USP36: variants seen among roughly 807,000 people sequenced by gnomAD.
USP36 encodes the protein ubiquitin specific peptidase 36.
A neutral mutation model predicts 111.5 loss-of-function variants in USP36; 59 were observed. The observed-to-expected ratio is 0.53, with a 90% CI of 0.43 to 0.66. The LOEUF is 0.66. USP36 is among the 30% of genes least tolerant of loss of function. The pLI is 0.00. For missense variants in USP36, 1,488 were observed against 1,468.0 expected (o/e 1.01, Z -0.22); for synonymous variants, 628 against 581.0 (o/e 1.08, Z -1.16).
chr17:78,791,862 A>C (rs902483293), downstream of USP36: 2 of 152,322 alleles, frequency 1.3e-5, no homozygotes, highest in Non-Finnish European at 2.9e-5. Context: ...TGGGAGGCCA[A>C]GGCGAGAAGA....
At chr17:78,788,713 A>C (rs892415207) in intron 3 of USP36, among the ~76,000 whole-genome samples, 2 of 152,130 alleles carry the variant, frequency 1.3e-5, no homozygotes, top group African/African-American at 4.8e-5. Flanking sequence ...TCCATGGGGT[A>C]GGTATTGCTG....
intron 12 of USP36, among the ~76,000 whole-genome samples, chr17:78,813,445 G>T (rs575000692): frequency 6.6e-6 from 1 of 152,268 alleles, no homozygotes; most frequent in Admixed American, 6.5e-5. Context: ...TCCCTACAGG[G>T]GCAGCTTCCC....
At position 78,807,631 on chromosome 17, in the gene USP36, T is replaced by C. The variant is rs555081017; in HGVS notation, c.1413A>G (p.Gln471=). 11 of 1,525,710 alleles carry C rather than the reference T, an allele frequency of 7.2e-6. No homozygotes were observed. The highest frequency in any genetic ancestry group is 2.3e-5 in the East Asian group (1 of 44,078). The allele number at this position is 1,525,710 out of a possible 1,614,324, so 94.5% of individuals were successfully genotyped here. The change falls in exon 14 of 21, where the codon CAA becomes CAG. Residue 471 remains glutamine, a synonymous_variant. Transcript: ENST00000449938. ...IISSPLTGKR[Q]DSGTMKKPHT... ...GCGGCTTCTTCATCGTCCCAGAGTC[T>C]TGTCGCTAAGGAGACCAAAGCAGAA...
chr17:78,804,177 G>A (rs543955632), intron 15 of USP36, among the ~76,000 whole-genome samples, 199 bp from the exon 16 acceptor site: 1 of 152,066 alleles, frequency 6.6e-6, no homozygotes. Flanking sequence ...TAAATGCAAA[G>A]TTGGCCAGGT....
intron 6 of USP36, among the ~76,000 whole-genome samples, chr17:78,824,608 A>G (rs2067368989): frequency 6.6e-6 from 1 of 152,248 alleles, no homozygotes; most frequent in East Asian, 1.9e-4. Flanking sequence ...CTAATATCCA[A>G]AGAAATTTGA....
chr17:78,823,029 A>G (rs941163043), intron 6 of USP36: 3 of 398,242 alleles, frequency 7.5e-6, no homozygotes, highest in Non-Finnish European at 1.3e-5. Context: ...GGCCACCCAG[A>G]CCATTCCACA....
At chr17:78,835,098 G>A (rs1026057486) in intron 4 of USP36, among the ~76,000 whole-genome samples, 182 bp downstream of exon 4, 8 of 151,784 alleles carry the variant, frequency 5.3e-5, no homozygotes, top group East Asian at 1.9e-4. Flanking sequence ...CCACCTGACC[G>A]ATTCACCTTC....
chr17:78,826,008 T>C lies in USP36; in HGVS notation c.689+1237A>G, dbSNP rs2067505564. 2.6e-5 allele frequency among the ~76,000 whole-genome samples: 4 copies of C among 152,158 alleles called. No homozygotes were observed. In the South Asian group the frequency reaches 8.3e-4, roughly 32 times the overall value. ...ATGAGCTCCACAGACTCCAGGACCATGGCTTCTACCTCTCAGTTCCCAGTG... is the reference window on the plus strand; with the variant it reads ...ATGAGCTCCACAGACTCCAGGACCACGGCTTCTACCTCTCAGTTCCCAGTG... On this transcript the variant is annotated intron_variant, in intron 6 of 20. Coordinates refer to ENST00000449938, the MANE Select transcript of USP36 (RefSeq NM_001385174.1).
At position 78,822,012 on chromosome 17, in the gene USP36, G is replaced by T. The variant is rs1172564686; in HGVS notation, c.690-8C>A. 1 of 1,613,968 alleles carries T rather than the reference G, an allele frequency of 6.2e-7. No individual in the cohort carries two copies. Among genetic ancestry groups the T allele is most frequent in the East Asian group, 2.2e-5 (1 of 44,886 alleles). On this transcript the variant is annotated splice_polypyrimidine_tract_variant and splice_region_variant and intron_variant, in intron 6 of 20. Transcript: ENST00000449938. ...TGCGTTTGACGATCCAACCTGAAAA[G>T]GAGACCCCAGCCTTTAAGGGAAGGG...
intron 11 of USP36, 149 bp downstream of exon 11, chr17:78,814,263 C>T: frequency 9.1e-7 from 1 of 1,098,986 alleles, no homozygotes; most frequent in Non-Finnish European, 1.3e-6. Context: ...TCTTTTCACT[C>T]CACGCAGAGA....
intron 3 of USP36, among the ~76,000 whole-genome samples, chr17:78,790,157 C>T (rs1379896261): frequency 6.6e-6 from 1 of 152,042 alleles, no homozygotes; most frequent in African/African-American, 2.4e-5. Flanking sequence ...AGCGCGATCT[C>T]AGCTCACTGC....
chr17:78,835,819 C>T (rs1043538069), intron 3 of USP36, among the ~76,000 whole-genome samples: 1 of 152,142 alleles, frequency 6.6e-6, no homozygotes, highest in South Asian at 2.1e-4. Context: ...TGCAGCCCAC[C>T]CCATTTCTCT....
intron 5 of USP36, among the ~76,000 whole-genome samples, 159 bp from the exon 6 acceptor site, chr17:78,827,506 T>TA (rs2067671711): frequency 6.6e-6 from 1 of 152,220 alleles, no homozygotes. Flanking sequence ...ATGGATTTTC[T>TA]ATATCCCAAT....
chr17:78,812,697 G>GAAA (rs572009070), intron 13 of USP36, among the ~76,000 whole-genome samples, 163 bp downstream of exon 13: 6 of 52,638 alleles, frequency 1.1e-4, no homozygotes, highest in African/African-American at 3.1e-4. Context: ...ACTCTGTCTC[G>GAAA]AAAAAAAAAA....
chr17:78,806,868 C>T (rs998706548), intron 14 of USP36, 91 bp downstream of exon 14: 50 of 1,513,870 alleles, frequency 3.3e-5, no homozygotes, highest in Middle Eastern at 2.4e-4. Flanking sequence ...CCAAAGCCCC[C>T]GGACAATGTT....
rs2093645377 is a variant in USP36, at chr17:78,797,398, T to C, written c.*502A>G. 6.6e-6 allele frequency: 1 copy of C among 151,998 alleles called. No individual in the cohort carries two copies. Among genetic ancestry groups the C allele is most frequent in the African/African-American group, 2.4e-5 (1 of 41,296 alleles). The allele number at this position is 151,998 out of a possible 1,614,324, so 9.4% of individuals were successfully genotyped here. The stretch of plus-strand genomic sequence containing the variant: ...TCTGAGGACAGGTAAGGCCAACAGA[T>C]GAAGGGGTCCCGCTGAGGAAGCAGG... On this transcript the variant is annotated 3_prime_UTR_variant, in exon 21 of 21. Transcript: ENST00000449938.
intron 6 of USP36, among the ~76,000 whole-genome samples, chr17:78,824,225 C>A (rs891094514): frequency 3.3e-5 from 5 of 152,046 alleles, no homozygotes; most frequent in African/African-American, 1.2e-4. Context: ...CAAGGCTGGG[C>A]AAGAAAAAGA....
chr17:78,831,562 G>C (rs975602622), intron 4 of USP36, among the ~76,000 whole-genome samples: 1 of 151,986 alleles, frequency 6.6e-6, no homozygotes. Context: ...GCAGTGAGCC[G>C]AGACTGTGGC....
At chr17:78,813,498 T>C (rs942640886) in intron 12 of USP36, among the ~76,000 whole-genome samples, 1 of 152,200 alleles carries the variant, frequency 6.6e-6, no homozygotes, top group African/African-American at 2.4e-5. Context: ...CAGGGAGCAG[T>C]ACCTCTAATT....
Sources: gnomAD v4.1 joint callset for allele counts (sites outside exome capture counted in the v4.1 genomes callset) on GRCh38, gnomAD v4.1.1 for gene constraint, MANE v1.5 for transcripts, NCBI Gene and HGNC (gene_info 2026-07-23, HGNC 2026-07-21) for gene names.